MYO3A: variants seen among roughly 807,000 people sequenced by gnomAD.
The protein encoded by MYO3A is myosin IIIA, also known as myosin-IIIa.
MYO3A carries 180 observed loss-of-function variants against 192.7 expected under a neutral mutation model. The observed-to-expected ratio is 0.93, with a 90% CI of 0.83 to 1.06. The LOEUF (loss-of-function observed/expected upper bound fraction) is 1.06. Among genes scored for constraint, MYO3A ranks in the 50% least tolerant of loss-of-function variants. The pLI, the probability that MYO3A is intolerant of heterozygous loss-of-function variation, is 0.00. For missense variants in MYO3A, 1,896 were observed against 1,905.0 expected (o/e 1.00, Z 0.09); for synonymous variants, 628 against 645.3 (o/e 0.97, Z 0.41).
rs1194788940 is a variant in MYO3A, at chr10:26,174,521, A to G, written c.4257A>G (p.Glu1419=). 1.2e-6 allele frequency: 2 copies of G among 1,614,000 alleles called. No individual in the cohort carries two copies. Among genetic ancestry groups the G allele is most frequent in the African/African-American group, 2.7e-5 (2 of 75,050 alleles). The change falls in exon 30 of 35, where the codon GAA becomes GAG. Residue 1419 remains glutamate, a synonymous_variant. Coordinates refer to ENST00000642920, the MANE Select transcript of MYO3A (RefSeq NM_017433.5). ...ACAAAGACTCGAAAGCAACTTCAGAAAGAGAAGCATGTGGTTTGGCAATTT... is the reference window on the plus strand; with the variant it reads ...ACAAAGACTCGAAAGCAACTTCAGAGAGAGAAGCATGTGGTTTGGCAATTT... ...KDNKDSKATS[E]REACGLAIFS... is the part of the protein sequence containing the mutation.
intron 11 of MYO3A, 70 bp from the exon 12 acceptor site, chr10:26,068,698 G>A (rs1298071362): frequency 9.6e-7 from 1 of 1,041,120 alleles, no homozygotes; most frequent in Non-Finnish European, 1.5e-6. Context: ...GTTTATTATT[G>A]TTTACTTTTT....
chr10:26,122,105 A>T (rs535643942), intron 18 of MYO3A, among the ~76,000 whole-genome samples: 1 of 152,346 alleles, frequency 6.6e-6, no homozygotes, highest in Non-Finnish European at 1.5e-5. Context: ...TCCATTGATA[A>T]GATGTAAATC....
chr10:26,132,298 C>A (rs1839584535), intron 20 of MYO3A, among the ~76,000 whole-genome samples: 1 of 152,164 alleles, frequency 6.6e-6, no homozygotes. Flanking sequence ...AATGTACATA[C>A]CTTGTCAAAA....
chr10:26,098,072 G>A (rs966477436), intron 17 of MYO3A, among the ~76,000 whole-genome samples: 3 of 152,112 alleles, frequency 2.0e-5, no homozygotes, highest in Non-Finnish European at 4.4e-5. Flanking sequence ...ATCCTCTCCA[G>A]CACCTGTTGT....
At chr10:26,094,022 C>T (rs184043863) in intron 15 of MYO3A, among the ~76,000 whole-genome samples, 1 of 152,290 alleles carries the variant, frequency 6.6e-6, no homozygotes, top group East Asian at 1.9e-4. Flanking sequence ...AAATGTCTTC[C>T]TTCCTTTTGA....
At chr10:26,041,274 GT>G (rs1255138605) in intron 10 of MYO3A, among the ~76,000 whole-genome samples, 4 of 151,904 alleles carry the variant, frequency 2.6e-5, no homozygotes, top group Non-Finnish European at 5.9e-5. Context: ...TTCAGTCTAT[GT>G]GTGTCTTTTT....
intron 10 of MYO3A, among the ~76,000 whole-genome samples, chr10:26,027,546 T>C (rs959231657): frequency 3.3e-5 from 5 of 152,276 alleles, no homozygotes; most frequent in African/African-American, 9.6e-5. Context: ...GGTTCTGCCA[T>C]GTTGCCCAAG....
chr10:26,069,178 T>G (rs1220537543), intron 12 of MYO3A, among the ~76,000 whole-genome samples: 2 of 151,854 alleles, frequency 1.3e-5, no homozygotes, highest in Non-Finnish European at 2.9e-5. Flanking sequence ...AGCATATACT[T>G]AAATCTGCTT....
intron 14 of MYO3A, among the ~76,000 whole-genome samples, chr10:26,074,635 A>G (rs1588905460): frequency 1.3e-5 from 2 of 148,414 alleles, no homozygotes; most frequent in Admixed American, 1.3e-4. Context: ...ATAATGTTAT[A>G]TATAATATAA....
intron 6 of MYO3A, among the ~76,000 whole-genome samples, chr10:25,997,741 A>T (rs1338697009): frequency 6.6e-6 from 1 of 152,174 alleles, no homozygotes; most frequent in East Asian, 1.9e-4. Context: ...GGAAACTGCT[A>T]CAGTTACCTG....
chr10:26,136,028 C>T (rs1041486485), intron 20 of MYO3A, among the ~76,000 whole-genome samples: 7 of 151,778 alleles, frequency 4.6e-5, no homozygotes, highest in African/African-American at 1.5e-4. Context: ...CTACCTTCCC[C>T]GGCCCCATCT....
intron 14 of MYO3A, among the ~76,000 whole-genome samples, chr10:26,079,141 T>C (rs947741915): frequency 6.6e-6 from 1 of 152,186 alleles, no homozygotes; most frequent in Non-Finnish European, 1.5e-5. Flanking sequence ...TGTGTTGCTG[T>C]CTATCTCATT....
intron 10 of MYO3A, among the ~76,000 whole-genome samples, chr10:26,030,866 T>G (rs983161741): frequency 2.0e-5 from 3 of 152,218 alleles, no homozygotes; most frequent in Non-Finnish European, 2.9e-5. Flanking sequence ...ATATGAGAAC[T>G]TTCTATTTTA....
At chr10:26,183,322 A>G (rs1326178422) in intron 31 of MYO3A, among the ~76,000 whole-genome samples, 1 of 152,178 alleles carries the variant, frequency 6.6e-6, no homozygotes, top group Non-Finnish European at 1.5e-5. Flanking sequence ...CAGGAGATCG[A>G]GACCATCCTG....
Position 26,154,760 on chromosome 10 carries a change from A to G in MYO3A, c.2730A>G (p.Glu910=), listed in dbSNP as rs1841007412. ...GGTCTCCTTAGGGCGACACTGGAGA[A>G]GCCACACGTCATGCCAGAGAGACAA... The part of the protein sequence containing the change: ...LINLAKGDTG[E]ATRHARETTN... Residue 910 remains glutamate, a synonymous_variant, in exon 25 of 35, where the codon GAA becomes GAG. Transcript: ENST00000642920. The G allele has an allele frequency of 6.2e-7, 1 of 1,613,754 alleles. No homozygotes were observed. Among genetic ancestry groups the G allele is most frequent in the Admixed American group, 1.7e-5 (1 of 59,978 alleles).
intron 34 of MYO3A, among the ~76,000 whole-genome samples, chr10:26,210,975 C>T (rs1363552959): frequency 7.6e-6 from 1 of 132,278 alleles, no homozygotes; most frequent in East Asian, 2.2e-4. Flanking sequence ...ATTGCCTGTA[C>T]ACACATGCAC....
intron 17 of MYO3A, among the ~76,000 whole-genome samples, chr10:26,110,268 T>C (rs1358312302): frequency 6.6e-6 from 1 of 152,174 alleles, no homozygotes; most frequent in Non-Finnish European, 1.5e-5. Flanking sequence ...ATTTGGGAAC[T>C]CAGTGGTTCT....
Position 26,086,778 on chromosome 10 carries a change from G to A in MYO3A, c.1360-1425G>A, listed in dbSNP as rs530761529. Reference sequence around the variant, plus strand: ...TTAATGTGGGGCACGGGGGCAGTGAGGCACAGCATATTATCCTGGTGTAGA... The same window carrying A: ...TTAATGTGGGGCACGGGGGCAGTGAAGCACAGCATATTATCCTGGTGTAGA... On this transcript the variant is annotated intron_variant, in intron 14 of 34. Coordinates refer to ENST00000642920, the MANE Select transcript of MYO3A (RefSeq NM_017433.5). Among the ~76,000 whole-genome samples, 72 of 152,258 alleles carry A rather than the reference G, an allele frequency of 4.7e-4. No individual in the cohort carries two copies. In the South Asian group the frequency reaches 0.014, roughly 31 times the overall value.
intron 27 of MYO3A, among the ~76,000 whole-genome samples, chr10:26,166,662 A>G (rs1841769944): frequency 6.6e-6 from 1 of 152,260 alleles, no homozygotes; most frequent in South Asian, 2.1e-4. Context: ...AAACAGATAT[A>G]TATTCTCTAG....
Sources: gnomAD v4.1 joint callset for allele counts (sites outside exome capture counted in the v4.1 genomes callset) on GRCh38, gnomAD v4.1.1 for gene constraint, MANE v1.5 for transcripts, NCBI Gene and HGNC (gene_info 2026-07-23, HGNC 2026-07-21) for gene names.